The following DPH1 variants were observed in gnomAD, a reference collection of about 807,000 sequenced individuals.
DPH1 encodes the protein diphthamide biosynthesis 1.
Under a neutral mutation model 55.3 loss-of-function variants are expected in DPH1, and 59 were observed. The ratio of observed to expected loss-of-function variants is 1.07; its 90% CI spans 0.87 to 1.33. The LOEUF is 1.33. DPH1 is among the 40% of genes most tolerant of loss of function. The pLI is 0.00. For synonymous variants in DPH1, 238 were observed against 235.5 expected, an observed-to-expected ratio of 1.01 and a Z score of -0.10; for missense variants, 628 against 584.8, an observed-to-expected ratio of 1.07 and a Z score of -0.76.
chr17:2,039,797 T>C lies in DPH1; in HGVS notation c.723T>C (p.Ile241=). 1 of 1,614,150 alleles carries C rather than the reference T, an allele frequency of 6.2e-7. No homozygotes were observed. Among genetic ancestry groups the C allele is most frequent in the Non-Finnish European group, 8.5e-7 (1 of 1,180,032 alleles). ...GCTTCCATCTGGAGTCTGTCATGAT[T>C]GCCAACCCCAATGTCCCCGCTTACC... ...DGRFHLESVM[I]ANPNVPAYRY... Residue 241 remains isoleucine, a synonymous_variant, in exon 7 of 13, where the codon ATT becomes ATC. Coordinates refer to ENST00000263083, the MANE Select transcript of DPH1 (RefSeq NM_001383.6).
Position 2,036,610 on chromosome 17 carries a change from ACT to A in DPH1, c.488_489del (p.Leu163ProfsTer89), listed in dbSNP as rs1180946866. The A allele has an allele frequency of 4.3e-6, 7 of 1,612,964 alleles. No individual in the cohort carries two copies. Among genetic ancestry groups the A allele is most frequent in the African/African-American group, 2.7e-5 (2 of 74,474 alleles). On this transcript the variant is annotated frameshift_variant, in exon 5 of 13. Transcript: ENST00000263083. LOFTEE classifies it high-confidence loss of function. The surrounding 1 kb of genome is among the most constrained non-coding windows in gnomAD (Gnocchi z 4.8). ...CGGATAGACACTACACACCTCCTGG[ACT>A]CTCTCCGCCTCACCTTTCCCCCAGC...
At position 2,043,284 on chromosome 17, in the gene DPH1, G is replaced by A; in HGVS notation, c.*698G>A. 1.4e-6 allele frequency: 1 copy of A among 709,504 alleles called. No homozygotes were observed. Among genetic ancestry groups the A allele is most frequent in the Non-Finnish European group, 2.3e-6 (1 of 440,670 alleles). The allele number at this position is 709,504 out of a possible 1,614,324, so 44.0% of individuals were successfully genotyped here. The stretch of plus-strand genomic sequence containing the variant: ...GGCCCTGCCCTGTACTGAAGAAAAG[G>A]GGAGCACAAGGCCTTAATGGACATT... On this transcript the variant is annotated 3_prime_UTR_variant, in exon 13 of 13. Transcript: ENST00000263083.
intron 6 of DPH1, chr17:2,039,539 A>G (rs977164726): frequency 1.8e-5 from 9 of 507,026 alleles, no homozygotes; most frequent in African/African-American, 1.4e-4. Flanking sequence ...CACCACACCC[A>G]GCTAAGTTTT....
chr17:2,039,812 C>A lies in DPH1; in HGVS notation c.738C>A (p.Val246=), dbSNP rs1301393104. ...LESVMIANPN[V]PAYRYDPYSK... is the part of the protein sequence containing the mutation. ...CTGTCATGATTGCCAACCCCAATGT[C>A]CCCGCTTACCGGTATGGGCTGGGCC... Residue 246 remains valine, a synonymous_variant, in exon 7 of 13, where the codon GTC becomes GTA. Coordinates refer to ENST00000263083, the MANE Select transcript of DPH1 (RefSeq NM_001383.6). 6.2e-7 allele frequency: 1 copy of A among 1,614,150 alleles called. No individual in the cohort carries two copies. Among genetic ancestry groups the A allele is most frequent in the Non-Finnish European group, 8.5e-7 (1 of 1,180,040 alleles).
Position 2,040,592 on chromosome 17 carries a change from C to G in DPH1, c.994C>G (p.Pro332Ala), listed in dbSNP as rs761637932. Residue 332 changes from proline (P) to alanine (A), a missense_variant, in exon 9 of 13, where the codon CCT becomes GCT. By Grantham distance (27) the Pro-to-Ala change is conservative. Transcript: ENST00000263083. ...CTTCCCCAGCAAGCTTAGCCTACTT[C>G]CTGAGGTGGATGTGTGAGTATCTGC... The part of the protein sequence containing the change: ...EIFPSKLSLL[P>A]EVDVWVQVAC... 113 of 1,614,082 alleles carry G rather than the reference C, an allele frequency of 7.0e-5. No individual in the cohort carries two copies. The highest frequency in any genetic ancestry group is 8.9e-5 in the Non-Finnish European group (105 of 1,180,022).
intron 3 of DPH1, among the ~76,000 whole-genome samples, chr17:2,035,444 G>GTGGTGGGGAGGGGGTGGGGGCCCTGCCTA (rs1195784768): frequency 4.4e-4 from 17 of 38,208 alleles, no homozygotes; most frequent in African/African-American, 6.6e-4. Context: ...GGCCCTGCCT[G>GTGGTGGGGAGGGGGTGGGGGCCCTGCCTA]TGGTGGGGAG....
chr17:2,042,031 G>C, intron 12 of DPH1, 156 bp downstream of exon 12: 2 of 1,502,518 alleles, frequency 1.3e-6, no homozygotes, highest in Non-Finnish European at 1.8e-6. Flanking sequence ...TGCTTCCGTC[G>C]CTCCTTGCCG....
chr17:2,043,158 G>C lies in DPH1; in HGVS notation c.*572G>C. The C allele has an allele frequency of 1.3e-6, 2 of 1,568,718 alleles. No individual in the cohort carries two copies. Among genetic ancestry groups the C allele is most frequent in the Non-Finnish European group, 1.7e-6 (2 of 1,155,816 alleles). ...TCCAGCTCCTCTAGGGGCAGCCTCC[G>C]TCATCCATGCCCTCCCAGGACCCTC... On this transcript the variant is annotated 3_prime_UTR_variant, in exon 13 of 13. Transcript: ENST00000263083.
Position 2,033,782 on chromosome 17 carries a change from C to G in DPH1, c.218C>G (p.Ala73Gly), listed in dbSNP as rs1467251634. 12 of 1,614,128 alleles carry G rather than the reference C, an allele frequency of 7.4e-6. No individual in the cohort carries two copies. Residue 73 changes from alanine to glycine, a missense_variant, in exon 3 of 13, where the codon GCC (alanine) becomes GGC (glycine). Physicochemically the swap from Ala to Gly is moderately conservative, Grantham distance 60. Coordinates refer to ENST00000263083, the MANE Select transcript of DPH1 (RefSeq NM_001383.6). ...RIQQAQAKKV[A>G]LQMPEGLLLF... ...CATGTCTCTGCTCGTCTTGCAGTGGCCTTGCAAATGCCGGAAGGCCTCCTC... is the reference window on the plus strand; with the variant it reads ...CATGTCTCTGCTCGTCTTGCAGTGGGCTTGCAAATGCCGGAAGGCCTCCTC...
rs1295047932 is a variant in DPH1, at chr17:2,041,301, G to C, written c.1086+120G>C. ...GTTCGTAGATTCCGGAGTCTGTCTC[G>C]ATTTCTCCAGCGGAGTCACTTCCTA... On this transcript the variant is annotated intron_variant, in intron 10 of 12. Transcript: ENST00000263083. 7 of 1,465,508 alleles carry C rather than the reference G, an allele frequency of 4.8e-6. No homozygotes were observed. The African/African-American group carries it at 5.6e-5, about 12-fold the overall frequency. The allele number at this position is 1,465,508 out of a possible 1,614,324, so 90.8% of individuals were successfully genotyped here. A position where few individuals can be genotyped will look rare whatever the true frequency, so the allele number is the denominator to read the frequency against.
At chr17:2,033,389 T>C in intron 1 of DPH1, 116 bp from the exon 2 acceptor site, 1 of 1,529,352 alleles carries the variant, frequency 6.5e-7, no homozygotes, top group Non-Finnish European at 8.8e-7. Context: ...GACTCAAAAT[T>C]TTTATTTCTA....
rs755173746 is a variant in DPH1, at chr17:2,036,554, C to G, written c.426C>G (p.Asp142Glu). 3.1e-6 allele frequency: 5 copies of G among 1,614,006 alleles called. No homozygotes were observed. In the Admixed American group the frequency reaches 6.7e-5, roughly 22 times the overall value. The change falls in exon 5 of 13, where the codon GAC becomes GAG. Residue 142 changes from aspartate to glutamate, a missense_variant. Physicochemically the swap from Asp to Glu is conservative, Grantham distance 45 (BLOSUM62 2). Transcript: ENST00000263083. The surrounding 1 kb of genome is among the most constrained non-coding windows in gnomAD (Gnocchi z 4.8). ...CLIPMDTSAQ[D>E]FRVLYVFVDI... is the part of the protein sequence containing the mutation. Reference sequence around the variant, plus strand: ...TTCCCATGGACACCTCGGCCCAAGACTTCCGGGTGCTGTACGTCTTTGTGG... The same window carrying G: ...TTCCCATGGACACCTCGGCCCAAGAGTTCCGGGTGCTGTACGTCTTTGTGG...
chr17:2,039,643 C>G, intron 6 of DPH1, 112 bp from the exon 7 acceptor site: 3 of 1,295,464 alleles, frequency 2.3e-6, no homozygotes, highest in Non-Finnish European at 3.3e-6. Flanking sequence ...TCCCAAAGTG[C>G]TGGGATTACA....
intron 6 of DPH1, among the ~76,000 whole-genome samples, chr17:2,037,608 C>T (rs918252078): frequency 6.6e-6 from 1 of 152,204 alleles, no homozygotes. Flanking sequence ...CCTGTGCCCA[C>T]GTCACTCAGT....
Position 2,040,615 on chromosome 17 carries a change from T to G in DPH1, c.1007+10T>G, listed in dbSNP as rs751819245. ...TTCCTGAGGTGGATGTGTGAGTATC[T>G]GCCTGGCTATGACTGGCTAAAGAAG... is the stretch of plus-strand genomic sequence containing the variant. On this transcript the variant is annotated intron_variant, in intron 9 of 12. Coordinates refer to ENST00000263083, the MANE Select transcript of DPH1 (RefSeq NM_001383.6). 1.2e-5 allele frequency: 20 copies of G among 1,612,954 alleles called. No individual in the cohort carries two copies. The highest frequency in any genetic ancestry group is 1.5e-5 in the Non-Finnish European group (18 of 1,179,058).
At chr17:2,030,800 G>C (rs1456971076) in intron 1 of DPH1, among the ~76,000 whole-genome samples, 3 of 152,226 alleles carry the variant, frequency 2.0e-5, no homozygotes, top group Non-Finnish European at 4.4e-5. Context: ...GACCACTAGG[G>C]ACCTGTCAGA....
intron 12 of DPH1, 76 bp downstream of exon 12, chr17:2,041,951 C>T (rs1026405972): frequency 3.5e-5 from 53 of 1,523,620 alleles, no homozygotes; most frequent in Middle Eastern, 2.2e-4. Flanking sequence ...GAGGCCCGCC[C>T]TCGGGGCGGT....
chr17:2,042,820 G>A lies in DPH1; in HGVS notation c.*234G>A. 12 of 1,614,112 alleles carry A rather than the reference G, an allele frequency of 7.4e-6. No individual in the cohort carries two copies. Among genetic ancestry groups the A allele is most frequent in the South Asian group, 5.5e-5 (5 of 91,086 alleles). ...AGCCCTTGTGTGTGCCCTGGGCCAG[G>A]CAGGCGATCCCCGCTTCCCCTTGCC... On this transcript the variant is annotated 3_prime_UTR_variant, in exon 13 of 13. Coordinates refer to ENST00000263083, the MANE Select transcript of DPH1 (RefSeq NM_001383.6).
At chr17:2,042,411 C>T (rs2067555934) in intron 12 of DPH1, 194 bp from the exon 13 acceptor site, 6 of 1,249,342 alleles carry the variant, frequency 4.8e-6, no homozygotes, top group Non-Finnish European at 6.3e-6. Context: ...TCCCAGGCTT[C>T]CGCCTTCACC....
Sources: gnomAD v4.1 joint callset for allele counts (sites outside exome capture counted in the v4.1 genomes callset) on GRCh38, gnomAD v4.1.1 for gene constraint, Gnocchi (gnomAD v3.1) non-coding constraint, MANE v1.5 for transcripts, NCBI Gene and HGNC (gene_info 2026-07-23, HGNC 2026-07-21) for gene names.